Variants in PCDH15 observed in about 807,000 individuals in gnomAD.
PCDH15 encodes the protein protocadherin related 15.
In PCDH15, 129 loss-of-function variants were observed where a neutral mutation model predicts 178.5. The ratio of observed to expected loss-of-function variants is 0.72; its 90% CI spans 0.63 to 0.84. PCDH15 has a LOEUF of 0.84. PCDH15 is among the 40% of genes least tolerant of loss of function. The probability of loss-of-function intolerance (pLI) is 0.00; values close to 1 mark genes in which losing one functional copy is unlikely to be tolerated. For synonymous variants in PCDH15, 800 were observed against 732.0 expected (o/e 1.09, Z -1.50); for missense variants, 2,230 against 2,099.9 (o/e 1.06, Z -1.21).
chr10:54,424,680 T>C (rs1213871330), intron 3 of PCDH15, among the ~76,000 whole-genome samples: 1 of 151,834 alleles, frequency 6.6e-6, no homozygotes, highest in Non-Finnish European at 1.5e-5. Flanking sequence ...TATGCAGCCA[T>C]AAAAAATGAT....
Position 54,240,655 on chromosome 10 carries a change from A to G in PCDH15, c.877-3724T>C, listed in dbSNP as rs1287561962. Among the ~76,000 whole-genome samples the G allele has an allele frequency of 1.0e-4, 12 of 116,902 alleles. No individual in the cohort carries two copies. The South Asian group carries it at 2.9e-3, about 28-fold the overall frequency. The allele number at this position is 116,902 out of a possible 152,430, so 76.7% of individuals were successfully genotyped here. On this transcript the variant is annotated intron_variant, in intron 8 of 37. Coordinates refer to ENST00000644397, the MANE Select transcript of PCDH15 (RefSeq NM_001384140.1). Reference sequence around the variant, plus strand: ...TTTTTTTTTTTTTTTTTTTTGAGACAGAGTATCGCTCTGTTGCCCAGGCTG... The same window carrying G: ...TTTTTTTTTTTTTTTTTTTTGAGACGGAGTATCGCTCTGTTGCCCAGGCTG...
chr10:54,090,307 CTTAA>C (rs2094578731), intron 15 of PCDH15, among the ~76,000 whole-genome samples: 1 of 152,156 alleles, frequency 6.6e-6, no homozygotes, highest in Admixed American at 6.6e-5. Context: ...ATTTAATTAA[CTTAA>C]TTAATGAATT....
chr10:54,162,218 T>A (rs1482650216), intron 13 of PCDH15, among the ~76,000 whole-genome samples: 1 of 152,102 alleles, frequency 6.6e-6, no homozygotes. Flanking sequence ...CTCACAAAGT[T>A]TAGATCTTGA....
intron 3 of PCDH15, among the ~76,000 whole-genome samples, chr10:54,433,813 T>C (rs533156044): frequency 6.6e-6 from 1 of 152,244 alleles, no homozygotes; most frequent in East Asian, 1.9e-4. Context: ...ACCCCATAAA[T>C]ATATACACCT....
At position 55,591,063 on chromosome 10, in the gene PCDH15, A is replaced by G. The variant is rs184691440; in HGVS notation, c.-156+36562T>C. Among the ~76,000 whole-genome samples, 18 of 152,264 alleles carry G rather than the reference A, an allele frequency of 1.2e-4. No homozygotes were observed. The East Asian group carries it at 3.5e-3, about 29-fold the overall frequency. On this transcript the variant is annotated intron_variant, in intron 2 of 5. Coordinates refer to the PCDH15 transcript ENST00000613346. Reference sequence around the variant, plus strand: ...CATTGCCTTAACTTATCTAGCAACTATATAATAACATTTATCTTCTATCAA... The same window carrying G: ...CATTGCCTTAACTTATCTAGCAACTGTATAATAACATTTATCTTCTATCAA...
chr10:55,216,313 AT>A (rs1371348263), intron 1 of PCDH15, among the ~76,000 whole-genome samples: 1 of 151,900 alleles, frequency 6.6e-6, no homozygotes, highest in Non-Finnish European at 1.5e-5. Context: ...TTCTACTGAT[AT>A]TTTCAATTTC....
At chr10:55,107,605 C>G (rs1837387754) in intron 2 of PCDH15, among the ~76,000 whole-genome samples, 1 of 146,560 alleles carries the variant, frequency 6.8e-6, no homozygotes. Context: ...GATTCTACTG[C>G]TTCAAACTCC....
In PCDH15 at chr10:55,616,034, G is replaced by T. The variant is rs1303221449; in HGVS notation, c.-156+11591C>A. Among the ~76,000 whole-genome samples the T allele has an allele frequency of 2.0e-5, 3 of 152,158 alleles. No individual in the cohort carries two copies. The East Asian group carries it at 5.8e-4, about 29-fold the overall frequency. Reference sequence around the variant, plus strand: ...TAAGCTGGAGTCACCACTGACAATTGAAATCTGGAGTCAGAATGCTGTATC... The same window carrying T: ...TAAGCTGGAGTCACCACTGACAATTTAAATCTGGAGTCAGAATGCTGTATC... On this transcript the variant is annotated intron_variant, in intron 2 of 5. Coordinates refer to the PCDH15 transcript ENST00000613346.
At chr10:54,233,043 A>G (rs1359940581) in intron 9 of PCDH15, among the ~76,000 whole-genome samples, 1 of 150,570 alleles carries the variant, frequency 6.6e-6, no homozygotes, top group African/African-American at 2.5e-5. Context: ...TCCCAGACCC[A>G]GGTGATTCTC....
intron 2 of PCDH15, among the ~76,000 whole-genome samples, chr10:55,095,235 T>C (rs1842421385): frequency 6.6e-6 from 1 of 151,970 alleles, no homozygotes; most frequent in African/African-American, 2.4e-5. Context: ...AGCTACCACA[T>C]CTGGCCACTG....
chr10:54,683,337 C>G (rs2094933959), intron 1 of PCDH15, among the ~76,000 whole-genome samples: 1 of 151,952 alleles, frequency 6.6e-6, no homozygotes, highest in South Asian at 2.1e-4. Context: ...TAAATAGGTG[C>G]TCCCCATTAA....
intron 29 of PCDH15, among the ~76,000 whole-genome samples, chr10:53,832,512 T>C (rs1044797191): frequency 2.0e-5 from 3 of 151,880 alleles, no homozygotes; most frequent in African/African-American, 7.3e-5. Context: ...ACACAATTAC[T>C]CATAGTCCCA....
At chr10:54,837,469 A>G (rs1342731854) in intron 3 of PCDH15, among the ~76,000 whole-genome samples, 1 of 152,196 alleles carries the variant, frequency 6.6e-6, no homozygotes, top group Non-Finnish European at 1.5e-5. Context: ...ATCCAACTAA[A>G]TAAGAATAAA....
intron 2 of PCDH15, among the ~76,000 whole-genome samples, chr10:55,072,746 T>G (rs555062664): frequency 1.6e-4 from 24 of 152,120 alleles, no homozygotes; most frequent in African/African-American, 5.8e-4. Context: ...TAACTCATTT[T>G]ATGAGGCCAG....
At chr10:55,383,987 T>C (rs1212195871) in intron 2 of PCDH15, among the ~76,000 whole-genome samples, 2 of 152,218 alleles carry the variant, frequency 1.3e-5, no homozygotes, top group Admixed American at 6.5e-5. Context: ...GTAGCTATTA[T>C]TGTGTTAAAA....
intron 3 of PCDH15, among the ~76,000 whole-genome samples, chr10:54,516,057 C>G (rs1409547418): frequency 1.3e-5 from 2 of 152,270 alleles, no homozygotes; most frequent in South Asian, 4.1e-4. Flanking sequence ...AAAAACAGAG[C>G]AGAAAAACTG....
At chr10:55,278,127 G>A (rs1473334463) in intron 1 of PCDH15, among the ~76,000 whole-genome samples, 2 of 151,978 alleles carry the variant, frequency 1.3e-5, no homozygotes, top group Admixed American at 6.6e-5. Context: ...GTTAATATGC[G>A]GTTGAGATTG....
intron 1 of PCDH15, among the ~76,000 whole-genome samples, chr10:54,773,210 T>G (rs1949298523): frequency 6.6e-6 from 1 of 152,104 alleles, no homozygotes; most frequent in South Asian, 2.1e-4. Flanking sequence ...CATTTACCTA[T>G]GTAACAAACC....
At chr10:54,981,936 CTT>C (rs879372543) in intron 2 of PCDH15, among the ~76,000 whole-genome samples, 1 of 145,204 alleles carries the variant, frequency 6.9e-6, no homozygotes, top group Non-Finnish European at 1.5e-5. Context: ...TTTTGTTTTC[CTT>C]TTTTTTTTTT....
Sources: allele counts gnomAD v4.1 joint callset (sites outside exome capture counted in the v4.1 genomes callset), GRCh38; gene constraint gnomAD v4.1.1; transcripts MANE v1.5; gene names NCBI Gene and HGNC (gene_info 2026-07-23, HGNC 2026-07-21).